The following MMAA variants were observed in gnomAD, a reference collection of about 807,000 sequenced individuals.
MMAA encodes the protein metabolism of cobalamin associated A, also known as methylmalonic aciduria type A protein, mitochondrial.
In MMAA, 41 loss-of-function variants were observed where a neutral mutation model predicts 45.0. The ratio of observed to expected loss-of-function variants is 0.91; its 90% confidence interval spans 0.71 to 1.18. MMAA has a LOEUF of 1.18. Ranked by LOEUF, MMAA falls within the 50% of genes most tolerant of loss-of-function variation. The pLI is 0.00. For synonymous variants in MMAA, 154 were observed against 178.2 expected (o/e 0.86, Z 1.08); for missense variants, 460 against 495.7 (o/e 0.93, Z 0.68).
intron 1 of MMAA, among the ~76,000 whole-genome samples, chr4:145,636,535 C>G (rs369934377): frequency 3.9e-5 from 6 of 152,218 alleles, no homozygotes; most frequent in African/African-American, 1.4e-4. Flanking sequence ...TCAGTAGTTC[C>G]ATATACCCTA....
chr4:145,638,380 A>G (rs989348651), intron 1 of MMAA, among the ~76,000 whole-genome samples: 2 of 151,854 alleles, frequency 1.3e-5, no homozygotes, highest in African/African-American at 2.4e-5. Context: ...AAAAAAAAAG[A>G]TCCTTATCTA....
At chr4:145,620,891 A>G (rs1734075905) in intron 1 of MMAA, among the ~76,000 whole-genome samples, 1 of 152,132 alleles carries the variant, frequency 6.6e-6, no homozygotes, top group Non-Finnish European at 1.5e-5. Context: ...CCTTAGAGGA[A>G]TTTTGGAAAG....
intron 1 of MMAA, among the ~76,000 whole-genome samples, chr4:145,630,319 T>G (rs1183267364): frequency 6.6e-6 from 1 of 152,234 alleles, no homozygotes; most frequent in Non-Finnish European, 1.5e-5. Flanking sequence ...TAAGGAGACT[T>G]TGGATTTCTG....
At chr4:145,648,239 C>T (rs1208341071) in intron 4 of MMAA, among the ~76,000 whole-genome samples, 1 of 151,472 alleles carries the variant, frequency 6.6e-6, no homozygotes, top group Non-Finnish European at 1.5e-5. Flanking sequence ...CCTCCGCCTC[C>T]TGGGTTCAAA....
chr4:145,655,176 G>T lies in MMAA; in HGVS notation c.999G>T (p.Glu333Asp), dbSNP rs1271461602. The T allele has an allele frequency of 6.2e-6, 10 of 1,614,132 alleles. No individual in the cohort carries two copies. Among genetic ancestry groups the T allele is most frequent in the Non-Finnish European group, 8.5e-6 (10 of 1,179,998 alleles). ...TTCGTATTTCTGCCCGAAGTGGAGA[G>T]GGGATCTCTGAAATGTGGGATAAAA... ...KVIRISARSG[E>D]GISEMWDKMK... Residue 333 changes from glutamate to aspartate, a missense_variant, in exon 7 of 7, where the codon GAG (glutamate) becomes GAT (aspartate). Coordinates refer to ENST00000649156, the MANE Select transcript of MMAA (RefSeq NM_172250.3).
rs771832448 is a variant in MMAA, at chr4:145,646,052, C to T, written c.629C>T (p.Pro210Leu). 4.3e-6 allele frequency: 7 copies of T among 1,614,056 alleles called. No individual in the cohort carries two copies. ...AGAGATATGAATGCATACATCAGGC[C>T]ATCTCCTACTAGAGGAACTTTAGGA... ...LSRDMNAYIR[P>L]SPTRGTLGGV... Residue 210 changes from proline to leucine, a missense_variant, in exon 4 of 7, where the codon CCA becomes CTA. Pro to Leu is a moderately conservative substitution (Grantham distance 98). Coordinates refer to ENST00000649156, the MANE Select transcript of MMAA (RefSeq NM_172250.3).
At chr4:145,647,395 C>A (rs565681949) in intron 4 of MMAA, among the ~76,000 whole-genome samples, 29 of 152,238 alleles carry the variant, frequency 1.9e-4, no homozygotes, top group African/African-American at 6.3e-4. Context: ...TTAACAGTTA[C>A]CAGCATGGTT....
At position 145,639,335 on chromosome 4, in the gene MMAA, T is replaced by C; in HGVS notation, c.196T>C (p.Cys66Arg). ...LLSDGLKRKL[C>R]VQTTLKDHTE... Reference sequence around the variant, plus strand: ...GTCAGATGGCTTAAAGAGAAAATTATGTGTACAAACAACCTTAAAGGACCA... The same window carrying C: ...GTCAGATGGCTTAAAGAGAAAATTACGTGTACAAACAACCTTAAAGGACCA... Residue 66 changes from cysteine to arginine, a missense_variant, in exon 2 of 7, where the codon TGT becomes CGT. Coordinates refer to ENST00000649156, the MANE Select transcript of MMAA (RefSeq NM_172250.3). The C allele has an allele frequency of 2.5e-6, 4 of 1,614,218 alleles. No individual in the cohort carries two copies. Among genetic ancestry groups the C allele is most frequent in the African/African-American group, 1.3e-5 (1 of 75,066 alleles).
At chr4:145,622,445 T>G (rs1166090551) in intron 1 of MMAA, among the ~76,000 whole-genome samples, 1 of 152,184 alleles carries the variant, frequency 6.6e-6, no homozygotes, top group Non-Finnish European at 1.5e-5. Flanking sequence ...ATATACTAGA[T>G]ATGGCCTACT....
intron 1 of MMAA, among the ~76,000 whole-genome samples, chr4:145,629,244 C>T (rs1734272127): frequency 6.6e-6 from 1 of 152,190 alleles, no homozygotes; most frequent in African/African-American, 2.4e-5. Flanking sequence ...CATTCTCCTG[C>T]CTCAGCCTCC....
At chr4:145,644,824 G>A (rs1254410187) in intron 3 of MMAA, among the ~76,000 whole-genome samples, 4 of 152,162 alleles carry the variant, frequency 2.6e-5, no homozygotes, top group African/African-American at 9.7e-5. Flanking sequence ...GTTGTGGGTG[G>A]CTGTCCTGTG....
At chr4:145,620,799 T>G (rs921714391) in intron 1 of MMAA, among the ~76,000 whole-genome samples, 9 of 150,088 alleles carry the variant, frequency 6.0e-5, no homozygotes, top group Non-Finnish European at 1.2e-4. Flanking sequence ...ATAGGAGAGA[T>G]ATCATAGAGG....
chr4:145,640,350 T>G (rs1727749002), intron 2 of MMAA, among the ~76,000 whole-genome samples: 1 of 152,008 alleles, frequency 6.6e-6, no homozygotes, highest in African/African-American at 2.4e-5. Context: ...TGACCTCAAG[T>G]GATCCACCCG....
At chr4:145,626,993 G>A (rs1352931335) in intron 1 of MMAA, among the ~76,000 whole-genome samples, 3 of 152,118 alleles carry the variant, frequency 2.0e-5, no homozygotes, top group South Asian at 2.1e-4. Context: ...CCTTTTTCTC[G>A]TTCTTTCTTT....
Position 145,659,365 on chromosome 4 carries a change from G to A in MMAA, c.*3931G>A, listed in dbSNP as rs1448941763. 6.6e-6 allele frequency: 1 copy of A among 152,092 alleles called. No homozygotes were observed. The highest frequency in any genetic ancestry group is 1.5e-5 in the Non-Finnish European group (1 of 68,020). 9.4% of individuals were successfully genotyped at this position (152,092 alleles called of 1,614,324 possible). A position where few individuals can be genotyped will look rare whatever the true frequency, so the allele number is the denominator to read the frequency against. Reference sequence around the variant, plus strand: ...TTTGTTTTAGAGAAAATTTCACTCTGTACTAGAAAATGTAGATGATGTGAG... The same window carrying A: ...TTTGTTTTAGAGAAAATTTCACTCTATACTAGAAAATGTAGATGATGTGAG... On this transcript the variant is annotated 3_prime_UTR_variant, in exon 7 of 7. Transcript: ENST00000649156.
intron 1 of MMAA, among the ~76,000 whole-genome samples, chr4:145,631,656 T>C (rs1238345364): frequency 6.6e-6 from 1 of 152,216 alleles, no homozygotes; most frequent in Non-Finnish European, 1.5e-5. Flanking sequence ...TGAATGTTAT[T>C]ATTAATAAGT....
Position 145,641,653 on chromosome 4 carries a change from A to T in MMAA, c.440-710A>T, listed in dbSNP as rs151221234. Among the ~76,000 whole-genome samples the T allele has an allele frequency of 9.2e-5, 14 of 152,316 alleles. No individual in the cohort carries two copies. The East Asian group carries it at 2.5e-3, about 27-fold the overall frequency. On this transcript the variant is annotated intron_variant, in intron 2 of 6. Coordinates refer to ENST00000649156, the MANE Select transcript of MMAA (RefSeq NM_172250.3). ...CTGAAGAGAGAGGTACTATTACTATATCTATTTTATTGCAGTGGACACTGA... is the reference window on the plus strand; with the variant it reads ...CTGAAGAGAGAGGTACTATTACTATTTCTATTTTATTGCAGTGGACACTGA...
chr4:145,654,806 T>G (rs113881909), intron 6 of MMAA, among the ~76,000 whole-genome samples: 258 of 152,300 alleles, frequency 1.7e-3, no homozygotes, highest in African/African-American at 5.8e-3. Flanking sequence ...TGGCACTCAG[T>G]CCTCAGGGGA....
intron 1 of MMAA, among the ~76,000 whole-genome samples, chr4:145,630,840 G>T (rs1560792430): frequency 6.6e-6 from 1 of 152,092 alleles, no homozygotes; most frequent in African/African-American, 2.4e-5. Flanking sequence ...ATAGGTTTTG[G>T]TATGATGTGT....
Sources: allele counts gnomAD v4.1 joint callset (sites outside exome capture counted in the v4.1 genomes callset), GRCh38; gene constraint gnomAD v4.1.1; transcripts MANE v1.5; gene names NCBI Gene and HGNC (gene_info 2026-07-23, HGNC 2026-07-21).